Variants in AKAP19 observed in about 807,000 individuals in gnomAD.
AKAP19 encodes the protein A-kinase anchoring protein 19.
the AKAP19 span, among the ~76,000 whole-genome samples, chr2:190,066,165 A>G: frequency 6.6e-6 from 1 of 152,128 alleles, no homozygotes; most frequent in Admixed American, 6.6e-5. Flanking sequence ...CAAGACTGGT[A>G]TGGTTCGTCT....
chr2:190,003,098 A>G, the AKAP19 span, among the ~76,000 whole-genome samples: 6 of 151,776 alleles, frequency 4.0e-5, no homozygotes, highest in African/African-American at 1.5e-4. Context: ...GATAACAAAT[A>G]TTTTTCTCAT....
chr2:190,003,308 A>G, the AKAP19 span, among the ~76,000 whole-genome samples: 1 of 152,056 alleles, frequency 6.6e-6, no homozygotes. Context: ...ACCAATAAAG[A>G]TAATTCTTTC....
the AKAP19 span, among the ~76,000 whole-genome samples, chr2:190,130,044 G>A: frequency 6.6e-6 from 1 of 152,148 alleles, no homozygotes; most frequent in South Asian, 2.1e-4. Flanking sequence ...GTTACAACAG[G>A]AATAGACTTC....
chr2:190,020,658 T>G, the AKAP19 span, among the ~76,000 whole-genome samples: 1 of 152,172 alleles, frequency 6.6e-6, no homozygotes, highest in Non-Finnish European at 1.5e-5. Flanking sequence ...TAAGTACATT[T>G]ATATTGTTGT....
the AKAP19 span, chr2:190,062,467 A>G: frequency 5.2e-5 from 84 of 1,613,452 alleles, no homozygotes; most frequent in Non-Finnish European, 7.0e-5. Flanking sequence ...TTTTGTCTCC[A>G]AGTACATGCA....
the AKAP19 span, among the ~76,000 whole-genome samples, chr2:190,032,771 A>G: frequency 6.6e-6 from 1 of 152,090 alleles, no homozygotes; most frequent in Non-Finnish European, 1.5e-5. Flanking sequence ...GAATAATCAA[A>G]TTAGATAAAA....
the AKAP19 span, among the ~76,000 whole-genome samples, chr2:190,139,350 T>G: frequency 1.3e-5 from 2 of 152,166 alleles, no homozygotes; most frequent in Admixed American, 1.3e-4. Context: ...AAGGCCATTA[T>G]GAAAGGGAGA....
At chr2:189,950,131 G>A in the AKAP19 span, among the ~76,000 whole-genome samples, 1 of 138,920 alleles carries the variant, frequency 7.2e-6, no homozygotes, top group African/African-American at 2.6e-5. Context: ...AGATTCAAGT[G>A]ATTCTCCTGC....
At chr2:190,079,597 A>G in the AKAP19 span, 1 of 152,304 alleles carries the variant, frequency 6.6e-6, no homozygotes, top group South Asian at 2.1e-4. Context: ...GATCACCTGA[A>G]GTCAAGAGTT....
chr2:190,112,788 T>C, the AKAP19 span, among the ~76,000 whole-genome samples: 1 of 152,182 alleles, frequency 6.6e-6, no homozygotes. Flanking sequence ...TGCTTATATG[T>C]GAAATTGCCC....
chr2:190,068,615 G>A, the AKAP19 span, among the ~76,000 whole-genome samples: 187 of 152,258 alleles, frequency 1.2e-3, no homozygotes, highest in Non-Finnish European at 2.0e-3. Flanking sequence ...GATTACAGAC[G>A]TGAGCCACTG....
chr2:190,194,616 T>A, the AKAP19 span, among the ~76,000 whole-genome samples: 1 of 152,124 alleles, frequency 6.6e-6, no homozygotes, highest in Non-Finnish European at 1.5e-5. Context: ...TTGACAAATG[T>A]ATGACAGAAA....
the AKAP19 span, among the ~76,000 whole-genome samples, chr2:190,023,486 T>G: frequency 6.6e-6 from 1 of 152,072 alleles, no homozygotes; most frequent in African/African-American, 2.4e-5. Flanking sequence ...TTGACAAATT[T>G]TATGACTATA....
At chr2:189,913,742 A>T in the AKAP19 span, among the ~76,000 whole-genome samples, 1 of 152,124 alleles carries the variant, frequency 6.6e-6, no homozygotes, top group Non-Finnish European at 1.5e-5. Context: ...AGTAAATTTG[A>T]TATAGAACAG....
the AKAP19 span, among the ~76,000 whole-genome samples, chr2:189,933,635 A>G: frequency 6.6e-6 from 1 of 152,184 alleles, no homozygotes; most frequent in Non-Finnish European, 1.5e-5. Context: ...CTTAGCTCAC[A>G]GAGCCTTTAA....
chr2:190,141,579 C>A, the AKAP19 span, among the ~76,000 whole-genome samples: 2 of 152,118 alleles, frequency 1.3e-5, no homozygotes, highest in Non-Finnish European at 2.9e-5. Flanking sequence ...CATCAGATCT[C>A]ATGAGAACTC....
At chr2:189,969,793 G>A in the AKAP19 span, among the ~76,000 whole-genome samples, 6 of 145,104 alleles carry the variant, frequency 4.1e-5, no homozygotes, top group Admixed American at 3.4e-4. Context: ...TTTGACCTAA[G>A]TTTTAGAATT....
chr2:190,181,497 T>G, the AKAP19 span: 1 of 152,188 alleles, frequency 6.6e-6, no homozygotes, highest in South Asian at 2.1e-4. Context: ...AAGTATTAGC[T>G]CTCGTGCTCT....
the AKAP19 span, among the ~76,000 whole-genome samples, chr2:189,991,242 TCTA>T: frequency 6.6e-6 from 1 of 152,230 alleles, no homozygotes; most frequent in African/African-American, 2.4e-5. Flanking sequence ...AAATGGTAGT[TCTA>T]CTTTTAGTTC....
Sources: allele counts gnomAD v4.1 joint callset (sites outside exome capture counted in the v4.1 genomes callset), GRCh38; gene constraint gnomAD v4.1.1; transcripts MANE v1.5; gene names NCBI Gene and HGNC (gene_info 2026-07-23, HGNC 2026-07-21).